Variants in MYOM2 observed in about 807,000 individuals in gnomAD.
The protein encoded by MYOM2 is myomesin 2.
In MYOM2, 254 loss-of-function variants were observed where a neutral mutation model predicts 187.6. That is an observed-to-expected ratio of 1.35 (90% CI 1.22 to 1.50). The LOEUF is 1.50. Among genes scored for constraint, MYOM2 ranks in the 40% most tolerant of loss-of-function variants. MYOM2 has a pLI of 0.00. For missense variants in MYOM2, 2,796 were observed against 1,924.0 expected, an observed-to-expected ratio of 1.45 and a Z score of -8.48; for synonymous variants, 981 against 753.8, an observed-to-expected ratio of 1.30 and a Z score of -4.94.
intron 28 of MYOM2, among the ~76,000 whole-genome samples, chr8:2,120,559 T>C (rs1797388906): frequency 6.7e-6 from 1 of 148,630 alleles, no homozygotes; most frequent in South Asian, 2.1e-4. Flanking sequence ...ACACCCTAGA[T>C]AGGTGCAGGT....
Position 2,057,666 on chromosome 8 carries a change from G to T in MYOM2, c.446G>T (p.Arg149Leu). The T allele has an allele frequency of 6.2e-7, 1 of 1,614,102 alleles. No individual in the cohort carries two copies. Among genetic ancestry groups the T allele is most frequent in the Non-Finnish European group, 8.5e-7 (1 of 1,180,004 alleles). The part of the protein sequence containing the change: ...LAWERHTFEE[R>L]ISRAPEILVR... The stretch of plus-strand genomic sequence containing the variant: ...TGGGAGAGACACACATTTGAAGAGC[G>T]GATAAGCAGGGCTCCTGAGATCCTG... Residue 149 changes from arginine (R) to leucine (L), a missense_variant, in exon 5 of 37, where the codon CGG (arginine) becomes CTG (leucine). Arg to Leu is a moderately radical substitution (Grantham distance 102). Transcript: ENST00000262113.
intron 25 of MYOM2, among the ~76,000 whole-genome samples, chr8:2,114,722 G>A (rs1332621961): frequency 6.6e-6 from 1 of 152,112 alleles, no homozygotes; most frequent in Non-Finnish European, 1.5e-5. Context: ...TGCCCACCTT[G>A]GCCTCCCAAA....
chr8:2,057,253 C>A, intron 3 of MYOM2, 95 bp from the exon 4 acceptor site: 2 of 1,433,766 alleles, frequency 1.4e-6, no homozygotes, highest in Non-Finnish European at 1.9e-6. Flanking sequence ...TAAGGAAACC[C>A]TAGGGAGAGA....
At chr8:2,099,934 T>C (rs1402649672) in intron 19 of MYOM2, among the ~76,000 whole-genome samples, 1 of 152,242 alleles carries the variant, frequency 6.6e-6, no homozygotes, top group Non-Finnish European at 1.5e-5. Flanking sequence ...TCTTTTGAGT[T>C]AGCAAATCAG....
intron 32 of MYOM2, among the ~76,000 whole-genome samples, chr8:2,136,529 C>G (rs915432632): frequency 2.6e-5 from 4 of 152,192 alleles, no homozygotes; most frequent in Non-Finnish European, 5.9e-5. Flanking sequence ...TAAAGAATCT[C>G]TCGCTGAAGT....
In MYOM2 at chr8:2,072,340, T is replaced by C. The variant is rs781777938; in HGVS notation, c.794-5T>C. Reference sequence around the variant, plus strand: ...GCCCTGAAAGCCTCCATCGTTTCTGTGCAGTGCCCCTGTCATCGATGATTC... The same window carrying C: ...GCCCTGAAAGCCTCCATCGTTTCTGCGCAGTGCCCCTGTCATCGATGATTC... On this transcript the variant is annotated splice_region_variant and splice_polypyrimidine_tract_variant and intron_variant, in intron 8 of 36. Transcript: ENST00000262113. The C allele has an allele frequency of 6.2e-7, 1 of 1,612,388 alleles. No homozygotes were observed. The highest frequency in any genetic ancestry group is 8.5e-7 in the Non-Finnish European group (1 of 1,179,116).
chr8:2,106,698 A>G lies in MYOM2; in HGVS notation c.2998+101A>G, dbSNP rs915095611. 28 of 864,912 alleles carry G rather than the reference A, an allele frequency of 3.2e-5. No individual in the cohort carries two copies. In the African/African-American group the frequency reaches 4.3e-4, roughly 13 times the overall value. The allele number at this position is 864,912 out of a possible 1,614,324, so 53.6% of individuals were successfully genotyped here. A position where few individuals can be genotyped will look rare whatever the true frequency, so the allele number is the denominator to read the frequency against. On this transcript the variant is annotated intron_variant, in intron 23 of 36. Coordinates refer to ENST00000262113, the MANE Select transcript of MYOM2 (RefSeq NM_003970.4). Reference sequence around the variant, plus strand: ...ACTTACTTGCTTAGAAAAAAGACGTATGTTTGCAGGAGGCTGGCGGTGGGG... The same window carrying G: ...ACTTACTTGCTTAGAAAAAAGACGTGTGTTTGCAGGAGGCTGGCGGTGGGG...
chr8:2,046,730 TTC>T lies in MYOM2; in HGVS notation c.-13+1572_-13+1573del, dbSNP rs751454381. On this transcript the variant is annotated intron_variant, in intron 1 of 36. Transcript: ENST00000262113. ...ACCCTGCGAGGAAAAGCTGCTTTCT[TTC>T]TCTCTCTCTTTCTTTTTTCTTTTTT... is the stretch of plus-strand genomic sequence containing the variant. Among the ~76,000 whole-genome samples the T allele has an allele frequency of 3.7e-3, 548 of 149,016 alleles. 4 individuals are homozygous for T. Among genetic ancestry groups the T allele is most frequent in the African/African-American group, 9.6e-3 (392 of 40,908 alleles).
chr8:2,088,434 T>C, intron 14 of MYOM2, among the ~76,000 whole-genome samples: 1 of 152,216 alleles, frequency 6.6e-6, no homozygotes, highest in East Asian at 1.9e-4. Context: ...CCTTGCTCTG[T>C]CTGGTAGGCC....
At position 2,057,719 on chromosome 8, in the gene MYOM2, GA is replaced by G. The variant is rs897072999; in HGVS notation, c.500del (p.Glu167GlyfsTer5). ...GCGGCTGCGATCCCACACCGTCTGG[GA>G]GAGGATGTCTGTGAAACTCTGCTTC... ...LVRLRSHTVW[E>X]RMSVKLCFTV... On this transcript the variant is annotated frameshift_variant, in exon 5 of 37. Transcript: ENST00000262113. LOFTEE classifies it high-confidence loss of function. 1 of 1,614,032 alleles carries G rather than the reference GA, an allele frequency of 6.2e-7. No individual in the cohort carries two copies. Among genetic ancestry groups the G allele is most frequent in the Non-Finnish European group, 8.5e-7 (1 of 1,180,036 alleles).
chr8:2,052,485 T>C (rs1000279573), intron 3 of MYOM2, among the ~76,000 whole-genome samples, 172 bp downstream of exon 3: 1 of 152,212 alleles, frequency 6.6e-6, no homozygotes, highest in Non-Finnish European at 1.5e-5. Context: ...TGCTTCTCTT[T>C]ACCATCATTA....
intron 14 of MYOM2, among the ~76,000 whole-genome samples, chr8:2,087,363 G>T (rs536269771): frequency 6.6e-6 from 1 of 152,296 alleles, no homozygotes; most frequent in Admixed American, 6.5e-5. Flanking sequence ...TCAGACTCCA[G>T]CATGGAGGAG....
At chr8:2,100,529 G>A in intron 19 of MYOM2, 1 of 261,462 alleles carries the variant, frequency 3.8e-6, no homozygotes, top group Non-Finnish European at 7.5e-6. Context: ...GACTGTGACT[G>A]CCAGGTGTCC....
chr8:2,126,827 A>G (rs1797661456), intron 31 of MYOM2, among the ~76,000 whole-genome samples: 2 of 111,298 alleles, frequency 1.8e-5, no homozygotes, highest in Non-Finnish European at 3.5e-5. Context: ...AGTCTGGGGG[A>G]GCACTGGGAG....
chr8:2,077,561 A>T (rs1819473444), intron 11 of MYOM2, among the ~76,000 whole-genome samples: 1 of 152,142 alleles, frequency 6.6e-6, no homozygotes, highest in African/African-American at 2.4e-5. Context: ...TATGCTAGAG[A>T]CAGTTCTGCA....
intron 6 of MYOM2, among the ~76,000 whole-genome samples, chr8:2,061,489 C>A (rs761866666): frequency 5.9e-5 from 9 of 152,178 alleles, no homozygotes; most frequent in Non-Finnish European, 1.2e-4. Flanking sequence ...CTCCTGTTCC[C>A]GACTCTACCT....
At chr8:2,088,951 C>G (rs1796190944) in intron 14 of MYOM2, among the ~76,000 whole-genome samples, 1 of 152,080 alleles carries the variant, frequency 6.6e-6, no homozygotes, top group Non-Finnish European at 1.5e-5. Flanking sequence ...GACACCTGGA[C>G]TGCGCTCGCT....
At chr8:2,049,689 G>A (rs1818421186) in intron 1 of MYOM2, among the ~76,000 whole-genome samples, 1 of 152,188 alleles carries the variant, frequency 6.6e-6, no homozygotes, top group Admixed American at 6.5e-5. Context: ...CAGGTTGTGA[G>A]TCCTTTTGCA....
At chr8:2,128,690 G>A (rs926073989) in intron 31 of MYOM2, among the ~76,000 whole-genome samples, 1 of 152,110 alleles carries the variant, frequency 6.6e-6, no homozygotes, top group Non-Finnish European at 1.5e-5. Context: ...TGAAGAACCA[G>A]CCGAGGTGCT....
Sources: allele counts gnomAD v4.1 joint callset (sites outside exome capture counted in the v4.1 genomes callset), GRCh38; gene constraint gnomAD v4.1.1; transcripts MANE v1.5; gene names NCBI Gene and HGNC (gene_info 2026-07-23, HGNC 2026-07-21).